Variants in RALGPS2 observed in about 807,000 individuals in gnomAD.
RALGPS2 encodes the protein Ral GEF with PH domain and SH3 binding motif 2.
RALGPS2 carries 43 observed loss-of-function variants against 86.8 expected under a neutral mutation model. The ratio of observed to expected loss-of-function variants is 0.50; its 90% CI spans 0.39 to 0.64. The LOEUF (loss-of-function observed/expected upper bound fraction) is 0.64, where lower values mean the gene tolerates loss of function less well. RALGPS2 is among the 30% of genes least tolerant of loss of function. RALGPS2 has a pLI of 0.00. For synonymous variants in RALGPS2, 243 were observed against 231.3 expected (o/e 1.05, Z -0.46); for missense variants, 536 against 694.6 (o/e 0.77, Z 2.57).
intron 1 of RALGPS2, chr1:178,747,647 C>G (rs1381059324): frequency 6.5e-7 from 1 of 1,549,106 alleles, no homozygotes; most frequent in Non-Finnish European, 8.9e-7. Flanking sequence ...TTAATATAAT[C>G]ATTCTCAGCA....
intron 6 of RALGPS2, among the ~76,000 whole-genome samples, chr1:178,818,090 G>A (rs553729940): frequency 6.6e-6 from 1 of 152,292 alleles, no homozygotes; most frequent in East Asian, 1.9e-4. Flanking sequence ...GCTGGGCATG[G>A]TGGCTCACGC....
At chr1:178,730,451 A>G (rs1156612658) in intron 1 of RALGPS2, among the ~76,000 whole-genome samples, 2 of 152,080 alleles carry the variant, frequency 1.3e-5, no homozygotes, top group Non-Finnish European at 2.9e-5. Flanking sequence ...CTTACAGTGT[A>G]CTATGATTAT....
chr1:178,752,317 ATTTTTTT>A (rs562112755), intron 1 of RALGPS2, among the ~76,000 whole-genome samples: 4 of 137,196 alleles, frequency 2.9e-5, no homozygotes, highest in Non-Finnish European at 6.1e-5. Flanking sequence ...CTAATTTTTA[ATTTTTTT>A]TTTTTTGTAG....
At chr1:178,758,863 G>C (rs1388566443) in intron 1 of RALGPS2, among the ~76,000 whole-genome samples, 1 of 151,530 alleles carries the variant, frequency 6.6e-6, no homozygotes, top group Non-Finnish European at 1.5e-5. Flanking sequence ...CCAGTTATAT[G>C]TTTTCTTTGG....
At chr1:178,857,927 A>G (rs3766640) in intron 8 of RALGPS2, among the ~76,000 whole-genome samples, 95,138 of 151,978 alleles carry the variant, frequency 0.63, 30,464 homozygotes, top group African/African-American at 0.77. Context: ...AAAGCAAAAT[A>G]GAGAGTTCTG....
intron 1 of RALGPS2, among the ~76,000 whole-genome samples, chr1:178,745,822 CTTTTTTTT>C (rs34277622): frequency 3.5e-4 from 30 of 86,116 alleles, no homozygotes; most frequent in African/African-American, 8.9e-4. Context: ...TTCAATTCTT[CTTTTTTTT>C]TTTTTTTTTT....
At chr1:178,868,913 G>A (rs1255129302) in intron 8 of RALGPS2, among the ~76,000 whole-genome samples, 1 of 151,916 alleles carries the variant, frequency 6.6e-6, no homozygotes, top group Non-Finnish European at 1.5e-5. Context: ...GACTAGCTAC[G>A]TCAGGAGTAA....
intron 8 of RALGPS2, among the ~76,000 whole-genome samples, chr1:178,856,209 A>G (rs1429481641): frequency 1.6e-5 from 1 of 61,610 alleles, no homozygotes; most frequent in Non-Finnish European, 4.1e-5. Flanking sequence ...AGAGATATAT[A>G]TATATATATA....
rs1180395311 is a variant in RALGPS2 at position 178,856,212 on chromosome 1, T to G, written c.608-21286T>G. Among the ~76,000 whole-genome samples, 521 of 63,904 alleles carry G rather than the reference T, an allele frequency of 8.2e-3. 14 individuals are homozygous for G. Among genetic ancestry groups the G allele is most frequent in the Middle Eastern group, 0.045 (7 of 156 alleles). 41.9% of individuals were successfully genotyped at this position (63,904 alleles called of 152,430 possible). A position where few individuals can be genotyped will look rare whatever the true frequency, so the allele number is the denominator to read the frequency against. On this transcript the variant is annotated intron_variant, in intron 8 of 19. Transcript: ENST00000367635. The stretch of plus-strand genomic sequence containing the variant: ...TTCCAGAGAGAGAGAGATATATATA[T>G]ATATATATATATATATATATATGGT...
chr1:178,738,989 T>C (rs750991345), intron 1 of RALGPS2, among the ~76,000 whole-genome samples: 6 of 152,264 alleles, frequency 3.9e-5, no homozygotes, highest in Non-Finnish European at 7.3e-5. Flanking sequence ...ATGACAAATC[T>C]GTATGTTTTC....
rs1660820041 is a variant in RALGPS2, at chr1:178,916,459, C to T, written c.*100C>T. 1.7e-6 allele frequency: 2 copies of T among 1,146,878 alleles called. No individual in the cohort carries two copies. The highest frequency in any genetic ancestry group is 2.5e-5 in the Admixed American group (1 of 39,268). The allele number at this position is 1,146,878 out of a possible 1,614,324, so 71.0% of individuals were successfully genotyped here. On this transcript the variant is annotated 3_prime_UTR_variant, in exon 20 of 20. Coordinates refer to ENST00000367635, the MANE Select transcript of RALGPS2 (RefSeq NM_152663.5). ...TAAACCATCCTGTGCCAGGAAGAGC[C>T]CAGAGGCTCTGTCTCAGTCGTTGGA... is the stretch of plus-strand genomic sequence containing the variant.
intron 1 of RALGPS2, among the ~76,000 whole-genome samples, chr1:178,751,278 C>A (rs1651639246): frequency 6.6e-6 from 1 of 152,124 alleles, no homozygotes; most frequent in African/African-American, 2.4e-5. Context: ...ATTTCCCTTC[C>A]ATATGCCCAT....
rs763453356 is a variant in RALGPS2, at chr1:178,853,689, A to G, written c.607+20139A>G. On this transcript the variant is annotated intron_variant, in intron 8 of 19. Transcript: ENST00000367635. ...CCAGGGTCCAAACTGTTTTCACACCATAACTGCATTGGTCCATTGCTGTTT... is the reference window on the plus strand; with the variant it reads ...CCAGGGTCCAAACTGTTTTCACACCGTAACTGCATTGGTCCATTGCTGTTT... 17 of 1,613,152 alleles carry G rather than the reference A, an allele frequency of 1.1e-5. No individual in the cohort carries two copies. The South Asian group carries it at 1.6e-4, about 16-fold the overall frequency.
At chr1:178,786,482 G>A (rs1322960229) in intron 4 of RALGPS2, among the ~76,000 whole-genome samples, 9 of 151,928 alleles carry the variant, frequency 5.9e-5, no homozygotes, top group Admixed American at 1.3e-4. Context: ...AGGGACTGGC[G>A]TTATGCATCT....
intron 6 of RALGPS2, among the ~76,000 whole-genome samples, chr1:178,816,376 A>G (rs990802661): frequency 4.6e-5 from 7 of 151,728 alleles, no homozygotes; most frequent in African/African-American, 1.7e-4. Context: ...CCATTTGGAT[A>G]TTTTGTTTTG....
intron 8 of RALGPS2, chr1:178,853,044 A>G: frequency 6.7e-7 from 1 of 1,491,772 alleles, no homozygotes; most frequent in Non-Finnish European, 8.9e-7. Context: ...GATAGCATAA[A>G]GATACTGGCC....
In RALGPS2 at chr1:178,841,026, A is replaced by G. The variant is rs536713391; in HGVS notation, c.607+7476A>G. Among the ~76,000 whole-genome samples the G allele has an allele frequency of 2.0e-5, 3 of 151,324 alleles. No individual in the cohort carries two copies. The East Asian group carries it at 5.8e-4, about 29-fold the overall frequency. On this transcript the variant is annotated intron_variant, in intron 8 of 19. Transcript: ENST00000367635. ...ATAATTAATAGCCTACCAACCAAAG[A>G]AAGTCCAGGACCAGATGGATTCACA...
At position 178,904,225 on chromosome 1, in the gene RALGPS2, G is replaced by A. The variant is rs544350024; in HGVS notation, c.1630+2014G>A. On this transcript the variant is annotated intron_variant, in intron 18 of 19. Transcript: ENST00000367635. ...GGTTTTTTTCTTACTGATTCGTTTTGAGTTCATTGTAGATTCTAGATGTTA... is the reference window on the plus strand; with the variant it reads ...GGTTTTTTTCTTACTGATTCGTTTTAAGTTCATTGTAGATTCTAGATGTTA... Among the ~76,000 whole-genome samples the A allele has an allele frequency of 6.6e-5, 10 of 151,964 alleles. No individual in the cohort carries two copies. In the South Asian group the frequency reaches 2.1e-3, roughly 32 times the overall value.
At position 178,811,107 on chromosome 1, in the gene RALGPS2, A is replaced by G. The variant is rs114475659; in HGVS notation, c.298-208A>G. On this transcript the variant is annotated intron_variant, in intron 5 of 19. Coordinates refer to ENST00000367635, the MANE Select transcript of RALGPS2 (RefSeq NM_152663.5). ...ATTTTATTTACACCAAGAAAACCCTACTTGGGAATCTTCACTTATGATTCT... is the reference window on the plus strand; with the variant it reads ...ATTTTATTTACACCAAGAAAACCCTGCTTGGGAATCTTCACTTATGATTCT... Among the ~76,000 whole-genome samples the G allele has an allele frequency of 9.1e-3, 1,389 of 152,158 alleles. 25 individuals carry two copies. Among genetic ancestry groups the G allele is most frequent in the African/African-American group, 0.029 (1,222 of 41,546 alleles).
Sources: gnomAD v4.1 joint callset for allele counts (sites outside exome capture counted in the v4.1 genomes callset) on GRCh38, gnomAD v4.1.1 for gene constraint, MANE v1.5 for transcripts, NCBI Gene and HGNC (gene_info 2026-07-23, HGNC 2026-07-21) for gene names.